PECR: variants seen among roughly 807,000 people sequenced by gnomAD.
PECR encodes the protein 2,4-dienoyl-CoA reductase-related protein.
PECR carries 30 observed loss-of-function variants against 35.3 expected under a neutral mutation model. The observed-to-expected ratio is 0.85, with a 90% CI of 0.64 to 1.15. PECR has a LOEUF of 1.15. Among genes scored for constraint, PECR ranks in the 50% most tolerant of loss-of-function variants. The pLI is 0.00. For missense variants in PECR, 392 were observed against 370.8 expected (o/e 1.06, Z -0.47); for synonymous variants, 148 against 138.9 (o/e 1.07, Z -0.46).
At chr2:216,031,485 GAAAGAAAGAGAA>G (rs1559203904) in intron 7 of PECR, among the ~76,000 whole-genome samples, 4 of 120,520 alleles carry the variant, frequency 3.3e-5, no homozygotes, top group African/African-American at 1.3e-4. Flanking sequence ...GAGAAAGAAA[GAAAGAAAGAGAA>G]AGAAAGAGAG....
intron 7 of PECR, among the ~76,000 whole-genome samples, chr2:216,029,737 T>G (rs148691532): frequency 2.0e-5 from 3 of 152,360 alleles, no homozygotes; most frequent in East Asian, 3.9e-4. Context: ...AGGGCCAGAA[T>G]AGTCCAGTAT....
intron 4 of PECR, among the ~76,000 whole-genome samples, chr2:216,052,581 A>AT (rs1403105737): frequency 6.6e-6 from 1 of 152,190 alleles, no homozygotes; most frequent in Non-Finnish European, 1.5e-5. Flanking sequence ...CTGATGAGAA[A>AT]TCTGCTTCTG....
chr2:216,078,419 T>C (rs11899148), intron 1 of PECR, among the ~76,000 whole-genome samples: 8,930 of 151,720 alleles, frequency 0.059, 922 homozygotes, highest in East Asian at 0.47. Flanking sequence ...GATCATAAGG[T>C]CAGGAGTTCA....
intron 3 of PECR, among the ~76,000 whole-genome samples, chr2:216,061,170 G>A (rs1695339343): frequency 6.7e-6 from 1 of 149,110 alleles, no homozygotes; most frequent in African/African-American, 2.5e-5. Context: ...GCTGAGCATG[G>A]TGGTTAGTAG....
intron 7 of PECR, among the ~76,000 whole-genome samples, chr2:216,029,899 T>G (rs1694653853): frequency 1.3e-5 from 2 of 152,162 alleles, no homozygotes; most frequent in African/African-American, 4.8e-5. Flanking sequence ...GCAAACCAAA[T>G]GTTTGTAGCC....
intron 1 of PECR, among the ~76,000 whole-genome samples, chr2:216,080,396 G>A (rs772305189): frequency 5.9e-5 from 9 of 152,126 alleles, no homozygotes; most frequent in East Asian, 3.9e-4. Context: ...ATATTTAAAC[G>A]GAAGCATTAT....
At chr2:216,078,568 A>C (rs187827362) in intron 1 of PECR, among the ~76,000 whole-genome samples, 1,664 of 151,502 alleles carry the variant, frequency 0.011, 40 homozygotes, top group African/African-American at 0.039. Context: ...AGCCTGGGCG[A>C]CAGAGCGAAA....
chr2:216,081,479 G>T, intron 1 of PECR, 139 bp downstream of exon 1: 1 of 1,029,390 alleles, frequency 9.7e-7, no homozygotes, highest in Non-Finnish European at 1.5e-6. Flanking sequence ...CCTGGTGGTC[G>T]TAATTTCGCC....
chr2:216,072,160 C>G (rs541643308), intron 1 of PECR, among the ~76,000 whole-genome samples: 12 of 152,176 alleles, frequency 7.9e-5, no homozygotes, highest in African/African-American at 2.4e-4. Flanking sequence ...CAGCATTTCA[C>G]TGTATCATAA....
chr2:216,064,114 G>T (rs1695416132), intron 3 of PECR: 1 of 152,184 alleles, frequency 6.6e-6, no homozygotes, highest in East Asian at 1.9e-4. Flanking sequence ...TGTTAGCAAG[G>T]TATCTTGGAT....
intron 1 of PECR, among the ~76,000 whole-genome samples, chr2:216,075,361 G>A (rs931213625): frequency 7.2e-5 from 11 of 152,144 alleles, no homozygotes; most frequent in African/African-American, 2.4e-4. Flanking sequence ...CAATTTTGTA[G>A]AAAACAAAAT....
chr2:216,062,199 C>T (rs1695369240), intron 3 of PECR, among the ~76,000 whole-genome samples: 1 of 151,978 alleles, frequency 6.6e-6, no homozygotes, highest in Admixed American at 6.6e-5. Context: ...CCATGCACCA[C>T]CACTCCCGGC....
intron 1 of PECR, among the ~76,000 whole-genome samples, chr2:216,075,380 G>C (rs900830833): frequency 1.3e-5 from 2 of 152,104 alleles, no homozygotes; most frequent in African/African-American, 4.8e-5. Context: ...ATATATATAC[G>C]TGTGTATACA....
At chr2:216,060,171 T>C (rs1358860690) in intron 3 of PECR, among the ~76,000 whole-genome samples, 2 of 152,204 alleles carry the variant, frequency 1.3e-5, no homozygotes, top group Admixed American at 6.5e-5. Context: ...ATGAAAAATA[T>C]ATGAAAACAT....
chr2:216,054,371 C>CTTTTTTTTTTT (rs34214360), intron 4 of PECR, among the ~76,000 whole-genome samples: 1 of 102,782 alleles, frequency 9.7e-6, no homozygotes, highest in African/African-American at 3.5e-5. Context: ...TTTTTTCTTT[C>CTTTTTTTTTTT]TTTTTTTTTT....
At chr2:216,071,621 A>G (rs930105699) in intron 1 of PECR, among the ~76,000 whole-genome samples, 5 of 152,170 alleles carry the variant, frequency 3.3e-5, no homozygotes, top group African/African-American at 1.2e-4. Context: ...GTTGTGCAAT[A>G]TATTCTCCTG....
chr2:216,050,581 A>G (rs1425939005), intron 5 of PECR, among the ~76,000 whole-genome samples: 3 of 152,172 alleles, frequency 2.0e-5, no homozygotes, highest in East Asian at 1.9e-4. Context: ...AGTGGCACAG[A>G]TAACACCTAC....
intron 6 of PECR, among the ~76,000 whole-genome samples, chr2:216,046,614 CA>C (rs1695002855): frequency 6.6e-6 from 1 of 151,900 alleles, no homozygotes; most frequent in Non-Finnish European, 1.5e-5. Flanking sequence ...CCTAGCCTCC[CA>C]AAGTATTCTA....
chr2:216,042,717 A>T (rs1402527482), intron 7 of PECR, among the ~76,000 whole-genome samples: 1 of 152,046 alleles, frequency 6.6e-6, no homozygotes, highest in Non-Finnish European at 1.5e-5. Flanking sequence ...ACATAAAGGC[A>T]TTTGCATGTA....
Sources: allele counts gnomAD v4.1 joint callset (sites outside exome capture counted in the v4.1 genomes callset), GRCh38; gene constraint gnomAD v4.1.1; transcripts MANE v1.5; gene names NCBI Gene and HGNC (gene_info 2026-07-23, HGNC 2026-07-21).